ALKBH3: variants seen among roughly 807,000 people sequenced by gnomAD.
The protein encoded by ALKBH3 is alpha-ketoglutarate-dependent dioxygenase alkB homolog 3.
Under a neutral mutation model 43.9 loss-of-function variants are expected in ALKBH3, and 51 were observed. The ratio of observed to expected loss-of-function variants is 1.16; its 90% CI spans 0.93 to 1.47. The LOEUF (loss-of-function observed/expected upper bound fraction) is 1.47, where lower values mean the gene tolerates loss of function less well. Ranked by LOEUF, ALKBH3 falls within the 40% of genes most tolerant of loss-of-function variation. The pLI is 0.00. For synonymous variants in ALKBH3, 102 were observed against 115.2 expected (o/e 0.89, Z 0.73); for missense variants, 361 against 351.9 (o/e 1.03, Z -0.21).
chr11:43,909,612 A>C (rs2135200047), intron 8 of ALKBH3: 1 of 152,336 alleles, frequency 6.6e-6, no homozygotes, highest in Non-Finnish European at 1.5e-5. Context: ...TGTACGTTTG[A>C]TCCTCAGCGG....
At chr11:43,914,162 A>AATCC (rs1951963906) in intron 8 of ALKBH3, among the ~76,000 whole-genome samples, 1 of 152,240 alleles carries the variant, frequency 6.6e-6, no homozygotes, top group Admixed American at 6.5e-5. Context: ...TTCAGAAGGA[A>AATCC]TAGAGCTTAC....
chr11:43,884,339 T>A (rs369227759), intron 4 of ALKBH3, among the ~76,000 whole-genome samples: 3 of 151,740 alleles, frequency 2.0e-5, no homozygotes, highest in Non-Finnish European at 4.4e-5. Flanking sequence ...TCCTGAGTCA[T>A]TGAAGCATGG....
intron 8 of ALKBH3, among the ~76,000 whole-genome samples, chr11:43,902,746 GC>G (rs1460612419): frequency 1.3e-5 from 2 of 152,232 alleles, no homozygotes; most frequent in Non-Finnish European, 2.9e-5. Flanking sequence ...ACAGGCGTGT[GC>G]CAGGACCCCT....
intron 8 of ALKBH3, among the ~76,000 whole-genome samples, chr11:43,912,710 G>T (rs1276524685): frequency 2.6e-5 from 4 of 152,144 alleles, no homozygotes; most frequent in Non-Finnish European, 5.9e-5. Flanking sequence ...TTAGGGGTGA[G>T]ATGAAGAATG....
chr11:43,916,411 T>C (rs567976657), intron 8 of ALKBH3, among the ~76,000 whole-genome samples: 19 of 152,314 alleles, frequency 1.2e-4, no homozygotes, highest in Non-Finnish European at 2.1e-4. Flanking sequence ...GCTTTTTCCA[T>C]GTACTCGTAG....
chr11:43,882,596 G>A lies in ALKBH3; in HGVS notation c.-57G>A. ...TTTAATAAACAGATACCATGGAGTA[G>A]TTTGAAACAGGAACAAAATCTTCTG... On this transcript the variant is annotated 5_prime_UTR_variant, in exon 2 of 10. The change abolishes the stop of an existing upstream ORF in the 5' untranslated region. Coordinates refer to ENST00000302708, the MANE Select transcript of ALKBH3 (RefSeq NM_139178.4). 1 of 1,544,030 alleles carries A rather than the reference G, an allele frequency of 6.5e-7. No individual in the cohort carries two copies. Among genetic ancestry groups the A allele is most frequent in the Non-Finnish European group, 8.8e-7 (1 of 1,134,524 alleles).
intron 5 of ALKBH3, 119 bp from the exon 6 acceptor site, chr11:43,889,606 G>A (rs1338833271): frequency 1.1e-5 from 8 of 742,564 alleles, no homozygotes; most frequent in Non-Finnish European, 1.8e-5. Flanking sequence ...GGGAGCTGTG[G>A]TAAGATGATT....
At chr11:43,891,939 T>C (rs1951786978) in intron 6 of ALKBH3, 102 bp from the exon 7 acceptor site, 1 of 850,556 alleles carries the variant, frequency 1.2e-6, no homozygotes, top group Non-Finnish European at 1.9e-6. Flanking sequence ...TTACTTTTCT[T>C]TTGTATTTCT....
At position 43,903,149 on chromosome 11, in the gene ALKBH3, T is replaced by C. The variant is rs544648442; in HGVS notation, c.669+1424T>C. The stretch of plus-strand genomic sequence containing the variant: ...TATGTTTACATAAAAAGTTTGATCA[T>C]TGTTAGGGGATTGGTAGTTGCCGGT... On this transcript the variant is annotated intron_variant, in intron 8 of 9. Coordinates refer to ENST00000302708, the MANE Select transcript of ALKBH3 (RefSeq NM_139178.4). Among the ~76,000 whole-genome samples, 15 of 152,350 alleles carry C rather than the reference T, an allele frequency of 9.8e-5. No individual in the cohort carries two copies. The South Asian group carries it at 3.1e-3, about 32-fold the overall frequency.
rs551422684 is a variant in ALKBH3 at position 43,886,746 on chromosome 11, A to C, written c.266+93A>C. On this transcript the variant is annotated intron_variant, in intron 5 of 9. Coordinates refer to ENST00000302708, the MANE Select transcript of ALKBH3 (RefSeq NM_139178.4). ...CCCCTAGAGAAAGAAAATGTAGTAC[A>C]TATACATTATGGAATACTATGCAGC... The C allele has an allele frequency of 4.9e-6, 6 of 1,213,346 alleles. No individual in the cohort carries two copies. The Admixed American group carries it at 5.6e-5, about 11-fold the overall frequency. The allele number at this position is 1,213,346 out of a possible 1,614,324, so 75.2% of individuals were successfully genotyped here.
intron 8 of ALKBH3, among the ~76,000 whole-genome samples, chr11:43,902,564 C>T (rs1405432665): frequency 6.6e-6 from 1 of 152,204 alleles, no homozygotes; most frequent in Non-Finnish European, 1.5e-5. Context: ...CAGACCCAGT[C>T]GGTGTGGAAG....
chr11:43,915,215 GAA>G (rs978733020), intron 8 of ALKBH3, among the ~76,000 whole-genome samples: 1 of 78,360 alleles, frequency 1.3e-5, no homozygotes. Flanking sequence ...CTCAAAAAAA[GAA>G]AAAAAAAAAA....
chr11:43,918,857 C>T lies in ALKBH3; in HGVS notation c.670-181C>T, dbSNP rs1025463627. 5.9e-5 allele frequency: 33 copies of T among 557,508 alleles called. No individual in the cohort carries two copies. In the Admixed American group the frequency reaches 1.0e-3, roughly 17 times the overall value. The allele number at this position is 557,508 out of a possible 1,614,324, so 34.5% of individuals were successfully genotyped here. On this transcript the variant is annotated intron_variant, in intron 8 of 9. Transcript: ENST00000302708. ...CTCCCCATTTTACAAATGAGTAAGTCAGGGTACAGAGAGATGAGGTAACTT... is the reference window on the plus strand; with the variant it reads ...CTCCCCATTTTACAAATGAGTAAGTTAGGGTACAGAGAGATGAGGTAACTT...
intron 8 of ALKBH3, among the ~76,000 whole-genome samples, chr11:43,903,529 G>A (rs12363419): frequency 0.17 from 25,933 of 152,138 alleles, 2,419 homozygotes; most frequent in South Asian, 0.31. Context: ...AGATGAAATT[G>A]TCTTTCTCCT....
At chr11:43,899,578 A>T (rs1353391210) in intron 7 of ALKBH3, 1 of 628,472 alleles carries the variant, frequency 1.6e-6, no homozygotes, top group Non-Finnish European at 3.0e-6. Flanking sequence ...CACCACCTGC[A>T]CCTAGTGTGC....
chr11:43,913,371 CA>C (rs1472736024), intron 8 of ALKBH3, among the ~76,000 whole-genome samples: 1 of 152,096 alleles, frequency 6.6e-6, no homozygotes, highest in African/African-American at 2.4e-5. Context: ...CTCCATTATT[CA>C]GGTATAATTT....
chr11:43,897,159 A>G (rs769013480), intron 7 of ALKBH3: 5 of 479,756 alleles, frequency 1.0e-5, no homozygotes, highest in Admixed American at 2.2e-5. Flanking sequence ...GTGGCTTTAT[A>G]TATAAAATAA....
intron 4 of ALKBH3, among the ~76,000 whole-genome samples, chr11:43,885,068 A>T (rs1312893190): frequency 6.6e-6 from 1 of 152,126 alleles, no homozygotes; most frequent in Non-Finnish European, 1.5e-5. Flanking sequence ...TGGTTGTTTT[A>T]AAAAAACAAG....
At position 43,883,181 on chromosome 11, in the gene ALKBH3, C is replaced by T. The variant is rs1951723732; in HGVS notation, c.176C>T (p.Pro59Leu). The T allele has an allele frequency of 6.2e-7, 1 of 1,612,586 alleles. No individual in the cohort carries two copies. The highest frequency in any genetic ancestry group is 8.5e-7 in the Non-Finnish European group (1 of 1,179,288). The change falls in exon 3 of 10, where the codon CCT (proline) becomes CTT (leucine). Residue 59 changes from proline (P) to leucine (L), a missense_variant. Coordinates refer to ENST00000302708, the MANE Select transcript of ALKBH3 (RefSeq NM_139178.4). ...GACAGAGAGTTTGTGTTCAAAGAAC[C>T]TCAGCAGGTAAATTCATGGTTTTTT... The part of the protein sequence containing the change: ...LSDREFVFKE[P>L]QQVVRRAPEP...
Sources: allele counts gnomAD v4.1 joint callset (sites outside exome capture counted in the v4.1 genomes callset), GRCh38; gene constraint gnomAD v4.1.1; transcripts MANE v1.5; gene names NCBI Gene and HGNC (gene_info 2026-07-23, HGNC 2026-07-21).